The following ZNF438 variants were observed in gnomAD, a reference collection of about 807,000 sequenced individuals.
The protein encoded by ZNF438 is zinc finger protein 438.
ZNF438 carries 25 observed loss-of-function variants against 38.0 expected under a neutral mutation model. The observed-to-expected ratio is 0.66, with a 90% CI of 0.48 to 0.92. The LOEUF is 0.92. ZNF438 is among the 40% of genes least tolerant of loss of function. The probability of loss-of-function intolerance (pLI) is 0.00; values close to 1 mark genes in which losing one functional copy is unlikely to be tolerated. For synonymous variants in ZNF438, 372 were observed against 364.1 expected (o/e 1.02, Z -0.25); for missense variants, 1,007 against 999.6 (o/e 1.01, Z -0.10).
At chr10:30,934,269 G>C (rs550939471) in intron 2 of ZNF438, among the ~76,000 whole-genome samples, 220 of 152,248 alleles carry the variant, frequency 1.4e-3, no homozygotes, top group African/African-American at 5.1e-3. Flanking sequence ...AGCCCAAATG[G>C]GTGCACTCTC....
intron 3 of ZNF438, among the ~76,000 whole-genome samples, chr10:30,898,999 T>C (rs1471791908): frequency 1.3e-5 from 2 of 152,176 alleles, no homozygotes; most frequent in Non-Finnish European, 2.9e-5. Flanking sequence ...CAAAGAATAT[T>C]CTCCACCTTC....
intron 3 of ZNF438, 39 bp from the exon 5 acceptor site, chr10:30,877,104 T>C (rs994254455): frequency 1.2e-5 from 16 of 1,307,726 alleles, no homozygotes; most frequent in East Asian, 7.4e-5. Flanking sequence ...TAGAAAGTAA[T>C]TGAGAGAGCA....
At chr10:30,857,868 A>C (rs1318306728) in intron 4 of ZNF438, 1 of 798,650 alleles carries the variant, frequency 1.3e-6, no homozygotes, top group Admixed American at 3.7e-5. Flanking sequence ...CAGCTTTATT[A>C]AACTGTTTCA....
intron 1 of ZNF438, among the ~76,000 whole-genome samples, chr10:30,988,612 G>A (rs1365485517): frequency 6.6e-6 from 1 of 151,922 alleles, no homozygotes; most frequent in Non-Finnish European, 1.5e-5. Flanking sequence ...TTATATTTAC[G>A]CTATTTTTAA....
intron 3 of ZNF438, among the ~76,000 whole-genome samples, chr10:30,892,121 T>G (rs1268945004): frequency 6.6e-6 from 1 of 151,080 alleles, no homozygotes; most frequent in Non-Finnish European, 1.5e-5. Context: ...TTTGATCAGT[T>G]TGGATTTAAT....
At chr10:31,000,700 T>G (rs1438625046) in intron 1 of ZNF438, among the ~76,000 whole-genome samples, 2 of 151,984 alleles carry the variant, frequency 1.3e-5, no homozygotes, top group Non-Finnish European at 2.9e-5. Context: ...CTGTGCATAA[T>G]GTAAAGCCTG....
chr10:31,012,365 C>T (rs1044423706), intron 1 of ZNF438, among the ~76,000 whole-genome samples: 6 of 152,028 alleles, frequency 3.9e-5, no homozygotes, highest in African/African-American at 7.2e-5. Flanking sequence ...CCTTGTGATC[C>T]GCCCACCTCG....
chr10:30,896,690 G>A (rs1301504808), intron 3 of ZNF438, among the ~76,000 whole-genome samples: 2 of 152,018 alleles, frequency 1.3e-5, no homozygotes, highest in East Asian at 1.9e-4. Context: ...AAGAAACCAG[G>A]GAGAAATTGG....
At chr10:30,947,519 G>C (rs10763853) in intron 1 of ZNF438, among the ~76,000 whole-genome samples, 131,857 of 151,436 alleles carry the variant, frequency 0.87, 57,694 homozygotes, top group East Asian at 1. Context: ...CCTACAGAGG[G>C]AGGCAGGCCT....
intron 1 of ZNF438, among the ~76,000 whole-genome samples, chr10:30,948,681 G>A (rs1448134928): frequency 2.0e-5 from 3 of 151,454 alleles, no homozygotes; most frequent in Non-Finnish European, 4.4e-5. Flanking sequence ...GAAATGAAGC[G>A]AGAAGGGAAG....
At chr10:31,018,548 G>C (rs975486188) in intron 1 of ZNF438, among the ~76,000 whole-genome samples, 2 of 152,128 alleles carry the variant, frequency 1.3e-5, no homozygotes, top group Non-Finnish European at 2.9e-5. Context: ...TCTACTGTCT[G>C]TCGACCAACC....
At chr10:30,967,446 CA>C (rs2050245883) in intron 1 of ZNF438, among the ~76,000 whole-genome samples, 1 of 151,968 alleles carries the variant, frequency 6.6e-6, no homozygotes, top group Non-Finnish European at 1.5e-5. Flanking sequence ...ATGGTAGGGC[CA>C]AAATTTATCC....
chr10:30,922,243 TTATTG>T (rs1303963912), intron 2 of ZNF438, among the ~76,000 whole-genome samples: 1 of 152,212 alleles, frequency 6.6e-6, no homozygotes, highest in Admixed American at 6.5e-5. Context: ...CAGCAGTACC[TTATTG>T]TATCCAGGCA....
At chr10:30,915,882 G>A (rs374360520) in intron 2 of ZNF438, among the ~76,000 whole-genome samples, 10 of 151,928 alleles carry the variant, frequency 6.6e-5, no homozygotes, top group African/African-American at 1.7e-4. Context: ...GGTCAAAGCC[G>A]GGCCCTCTCA....
chr10:30,986,444 G>A (rs756117654), intron 1 of ZNF438, among the ~76,000 whole-genome samples: 1 of 152,124 alleles, frequency 6.6e-6, no homozygotes, highest in Non-Finnish European at 1.5e-5. Flanking sequence ...TACCGTATGA[G>A]AGCTGAAGGA....
chr10:31,026,618 T>C lies in ZNF438; in HGVS notation c.-192+5215A>G, dbSNP rs373561820. Among the ~76,000 whole-genome samples, 9 of 152,180 alleles carry C rather than the reference T, an allele frequency of 5.9e-5. No individual in the cohort carries two copies. In the East Asian group the frequency reaches 1.2e-3, roughly 20 times the overall value. Reference sequence around the variant, plus strand: ...AGGTGCTGGAGAGGATGTGGAGAAATAGGAACACTTTTACATTGTTGGTGG... The same window carrying C: ...AGGTGCTGGAGAGGATGTGGAGAAACAGGAACACTTTTACATTGTTGGTGG... On this transcript the variant is annotated intron_variant, in intron 1 of 5. Coordinates refer to ENST00000413025, the Ensembl canonical transcript of ZNF438.
intron 2 of ZNF438, among the ~76,000 whole-genome samples, chr10:30,933,775 G>T (rs939896512): frequency 2.0e-5 from 3 of 152,072 alleles, no homozygotes; most frequent in African/African-American, 7.2e-5. Flanking sequence ...CACTTCACTT[G>T]ACCTGGCCCC....
intron 1 of ZNF438, among the ~76,000 whole-genome samples, chr10:30,963,218 C>A (rs1156431295): frequency 6.6e-6 from 1 of 151,260 alleles, no homozygotes. Flanking sequence ...AGAGTGAAAC[C>A]CTGTCTCTAC....
chr10:30,953,388 A>C (rs1307431686), intron 1 of ZNF438, among the ~76,000 whole-genome samples: 1 of 151,998 alleles, frequency 6.6e-6, no homozygotes, highest in African/African-American at 2.4e-5. Flanking sequence ...TGTACCCTAA[A>C]ACTTAAAGTA....
Sources: allele counts gnomAD v4.1 joint callset (sites outside exome capture counted in the v4.1 genomes callset), GRCh38; gene constraint gnomAD v4.1.1; transcripts MANE v1.5; gene names NCBI Gene and HGNC (gene_info 2026-07-23, HGNC 2026-07-21).